The following PHEX variants were observed in gnomAD, a reference collection of about 807,000 sequenced individuals.
The protein encoded by PHEX is phosphate regulating endopeptidase X-linked, also known as phosphate-regulating neutral endopeptidase PHEX.
PHEX carries 16 observed loss-of-function variants against 68.0 expected under a neutral mutation model. That is an observed-to-expected ratio of 0.24 (90% confidence interval 0.16 to 0.36). The LOEUF (loss-of-function observed/expected upper bound fraction) is 0.36, where lower values mean the gene tolerates loss of function less well. PHEX is among the 10% of genes least tolerant of loss of function. The pLI is 1.00. For missense variants in PHEX, 480 were observed against 575.5 expected (o/e 0.83, Z 1.70); for synonymous variants, 208 against 205.1 (o/e 1.01, Z -0.12).
chrX:22,225,857 A>AT (rs1311154747), intron 18 of PHEX, among the ~76,000 whole-genome samples: 4 of 111,672 alleles, frequency 3.6e-5, no homozygotes, highest in East Asian at 2.8e-4. Flanking sequence ...ATTGGGAATA[A>AT]TTTTTTTTAC....
intron 20 of PHEX, among the ~76,000 whole-genome samples, chrX:22,240,757 A>G (rs941045497): frequency 8.9e-5 from 10 of 111,822 alleles, no homozygotes; most frequent in Non-Finnish European, 1.1e-4. Flanking sequence ...CAGATTCATA[A>G]AGCAAGTTCT....
intron 14 of PHEX, among the ~76,000 whole-genome samples, chrX:22,181,381 C>T (rs1933878289): frequency 9.0e-6 from 1 of 111,642 alleles, no homozygotes; most frequent in South Asian, 3.7e-4. Context: ...TTTCATATAC[C>T]TGTTTGCCTT....
intron 3 of PHEX, among the ~76,000 whole-genome samples, chrX:22,048,063 C>T (rs1219569654): frequency 9.0e-6 from 1 of 110,873 alleles, no homozygotes; most frequent in Admixed American, 9.7e-5. Flanking sequence ...TTTCCCTTCC[C>T]ATTTACATTT....
intron 20 of PHEX, among the ~76,000 whole-genome samples, chrX:22,237,635 T>C (rs1009671661): frequency 2.7e-5 from 3 of 111,997 alleles, no homozygotes; most frequent in African/African-American, 6.5e-5. Context: ...GACTTTTAAA[T>C]ATAGTTTAAA....
At chrX:22,104,772 G>A (rs1930601126) in intron 9 of PHEX, among the ~76,000 whole-genome samples, 1 of 111,009 alleles carries the variant, frequency 9.0e-6, no homozygotes, top group Non-Finnish European at 1.9e-5. Flanking sequence ...GAGGAGGAGA[G>A]GCCAAGGAAG....
rs5951741 is a variant in PHEX at position 22,249,614 on chromosome X, T to C, written c.*1661T>C. ...TTAGTCAGAGGAGAGCGATTTTCCCTTTGACTTCTTCCTCTCTGAATGGAT... is the reference window on the plus strand; with the variant it reads ...TTAGTCAGAGGAGAGCGATTTTCCCCTTGACTTCTTCCTCTCTGAATGGAT... On this transcript the variant is annotated 3_prime_UTR_variant, in exon 22 of 22. Coordinates refer to ENST00000379374, the MANE Select transcript of PHEX (RefSeq NM_000444.6). The C allele has an allele frequency of 0.47, 48,925 of 103,380 alleles. 10,889 individuals carry two copies. Among genetic ancestry groups the C allele is most frequent in the African/African-American group, 0.79 (21,796 of 27,614 alleles). 8.5% of individuals were successfully genotyped at this position (103,380 alleles called of 1,213,427 possible).
chrX:22,137,160 C>T (rs1471229121), intron 12 of PHEX, among the ~76,000 whole-genome samples: 4 of 111,963 alleles, frequency 3.6e-5, no homozygotes, highest in African/African-American at 9.8e-5. Flanking sequence ...AGGATTCTGA[C>T]TGAGACCTGG....
chrX:22,100,982 G>A (rs1930393873), intron 9 of PHEX, among the ~76,000 whole-genome samples: 2 of 110,612 alleles, frequency 1.8e-5, no homozygotes, highest in Non-Finnish European at 1.9e-5. Context: ...GACCAACCTG[G>A]CCAACATGGT....
intron 14 of PHEX, among the ~76,000 whole-genome samples, chrX:22,184,141 T>G (rs1341862996): frequency 1.8e-5 from 2 of 112,209 alleles, no homozygotes; most frequent in East Asian, 5.6e-4. Context: ...CTTGTAATTC[T>G]TGTTTCCTCA....
intron 9 of PHEX, 95 bp from the exon 10 acceptor site, chrX:22,111,372 G>A (rs958647673): frequency 2.7e-5 from 19 of 696,244 alleles, no homozygotes; most frequent in Non-Finnish European, 4.2e-5. Context: ...GAGGTCCCTC[G>A]ATGGAGCTTT....
At chrX:22,153,082 C>T (rs1932883689) in intron 12 of PHEX, among the ~76,000 whole-genome samples, 2 of 109,701 alleles carry the variant, frequency 1.8e-5, no homozygotes, top group South Asian at 8.0e-4. Flanking sequence ...GCCTCAATCT[C>T]CTGGGCTCAA....
intron 12 of PHEX, among the ~76,000 whole-genome samples, chrX:22,142,080 G>A (rs1455093418): frequency 9.0e-6 from 1 of 111,505 alleles, no homozygotes; most frequent in Non-Finnish European, 1.9e-5. Context: ...GTGAAACCCT[G>A]TCTCTACTAA....
rs1170089749 is a variant in PHEX at position 22,249,217 on chromosome X, G to GTGTGTGTGTGTGTA, written c.*1277_*1278insATGTGTGTGTGTGT. 1 of 94,463 alleles carries GTGTGTGTGTGTGTA rather than the reference G, an allele frequency of 1.1e-5. No homozygotes were observed. The highest frequency in any genetic ancestry group is 2.2e-5 in the Non-Finnish European group (1 of 45,946). 7.8% of individuals were successfully genotyped at this position (94,463 alleles called of 1,213,427 possible). On this transcript the variant is annotated 3_prime_UTR_variant, in exon 22 of 22. Coordinates refer to ENST00000379374, the MANE Select transcript of PHEX (RefSeq NM_000444.6). Reference sequence around the variant, plus strand: ...CTTTCTTATTACTGAGCGTGTGTGTGTGTGTGTGTGTGTGTGTGTGTGTAG... The same window carrying GTGTGTGTGTGTGTA: ...CTTTCTTATTACTGAGCGTGTGTGTGTGTGTGTGTGTGTATGTGTGTGTGTGTGTGTGTGTGTAG...
At chrX:22,072,370 C>T (rs1429129620) in intron 3 of PHEX, among the ~76,000 whole-genome samples, 1 of 111,404 alleles carries the variant, frequency 9.0e-6, no homozygotes, top group Non-Finnish European at 1.9e-5. Context: ...GAGATCAAGC[C>T]ACTGCACTCC....
chrX:22,215,435 G>A (rs1009028399), intron 16 of PHEX, among the ~76,000 whole-genome samples: 8 of 111,111 alleles, frequency 7.2e-5, no homozygotes, highest in African/African-American at 2.6e-4. Context: ...TGCTCACAGT[G>A]GTCAGCTTAG....
chrX:22,098,896 T>C lies in PHEX; in HGVS notation c.934-110T>C, dbSNP rs1207612007. On this transcript the variant is annotated intron_variant, in intron 8 of 21. Coordinates refer to ENST00000379374, the MANE Select transcript of PHEX (RefSeq NM_000444.6). Reference sequence around the variant, plus strand: ...ACTTGAGTAGTTGCATCTTGAATTATTAGGTGTGAAATCAAAAGAAATGAA... The same window carrying C: ...ACTTGAGTAGTTGCATCTTGAATTACTAGGTGTGAAATCAAAAGAAATGAA... 5.9e-6 allele frequency: 4 copies of C among 679,469 alleles called. No individual in the cohort carries two copies. In the East Asian group the frequency reaches 1.3e-4, roughly 22 times the overall value. 56.0% of individuals were successfully genotyped at this position (679,469 alleles called of 1,213,427 possible).
chrX:22,115,738 G>A (rs5951696), intron 11 of PHEX, among the ~76,000 whole-genome samples: 15,140 of 111,580 alleles, frequency 0.14, 2,398 homozygotes, highest in African/African-American at 0.46. Flanking sequence ...AATGTCCTCT[G>A]GCTTTATCTA....
intron 9 of PHEX, among the ~76,000 whole-genome samples, chrX:22,104,151 G>GT (rs1044843000): frequency 8.1e-5 from 9 of 111,801 alleles, no homozygotes; most frequent in African/African-American, 2.6e-4. Context: ...GGGATTGTTT[G>GT]TTTTTTTCTT....
intron 11 of PHEX, among the ~76,000 whole-genome samples, chrX:22,118,106 T>G (rs1414579783): frequency 1.8e-5 from 2 of 111,241 alleles, no homozygotes; most frequent in Non-Finnish European, 3.8e-5. Context: ...GTCAGAAGCT[T>G]AAACTTCAGG....
Sources: allele counts gnomAD v4.1 joint callset (sites outside exome capture counted in the v4.1 genomes callset), GRCh38; gene constraint gnomAD v4.1.1; transcripts MANE v1.5; gene names NCBI Gene and HGNC (gene_info 2026-07-23, HGNC 2026-07-21).